ATP8A1: variants seen among roughly 807,000 people sequenced by gnomAD.
ATP8A1 encodes the protein ATPase phospholipid transporting 8A1.
A neutral mutation model predicts 177.7 loss-of-function variants in ATP8A1; 90 were observed. The ratio of observed to expected loss-of-function variants is 0.51; its 90% CI spans 0.43 to 0.60. ATP8A1 has a LOEUF of 0.60. Among genes scored for constraint, ATP8A1 ranks in the 20% least tolerant of loss-of-function variants. The pLI, the probability that ATP8A1 is intolerant of heterozygous loss-of-function variation, is 0.00. For synonymous variants in ATP8A1, 493 were observed against 485.9 expected, an observed-to-expected ratio of 1.01 and a Z score of -0.19; for missense variants, 1,072 against 1,392.8, an observed-to-expected ratio of 0.77 and a Z score of 3.67.
In ATP8A1 at chr4:42,517,319, A is replaced by C. The variant is rs1244051301; in HGVS notation, c.1947+4841T>G. Reference sequence around the variant, plus strand: ...AAAAAAAAAAAAAAAACAAATTCTGATTTAAAAAATATAGGCTGACACTAT... The same window carrying C: ...AAAAAAAAAAAAAAAACAAATTCTGCTTTAAAAAATATAGGCTGACACTAT... On this transcript the variant is annotated intron_variant, in intron 22 of 36. Coordinates refer to ENST00000381668, the MANE Select transcript of ATP8A1 (RefSeq NM_006095.2). Among the ~76,000 whole-genome samples the C allele has an allele frequency of 6.0e-4, 91 of 151,168 alleles. 2 individuals carry two copies. The highest frequency in any genetic ancestry group is 6.0e-3 in the Admixed American group (91 of 15,198).
chr4:42,552,687 T>C, intron 16 of ATP8A1, 77 bp from the exon 17 acceptor site: 1 of 1,065,190 alleles, frequency 9.4e-7, no homozygotes, highest in South Asian at 1.3e-5. Context: ...ACTTCATGTC[T>C]ATTAAGAACA....
chr4:42,625,574 G>T (rs773048933), intron 3 of ATP8A1, 40 bp downstream of exon 3: 2 of 1,379,966 alleles, frequency 1.4e-6, no homozygotes, highest in Non-Finnish European at 2.0e-6. Flanking sequence ...ACATTTATTA[G>T]TACCTGAACA....
At chr4:42,483,187 C>T (rs933782586) in intron 25 of ATP8A1, among the ~76,000 whole-genome samples, 2 of 151,976 alleles carry the variant, frequency 1.3e-5, no homozygotes, top group Non-Finnish European at 2.9e-5. Flanking sequence ...TGGTCTGTGC[C>T]AATAGTTTAA....
At position 42,450,488 on chromosome 4, in the gene ATP8A1, T is replaced by C. The variant is rs1425830810; in HGVS notation, c.2896+1493A>G. Among the ~76,000 whole-genome samples the C allele has an allele frequency of 1.1e-4, 17 of 152,356 alleles. No homozygotes were observed. In the South Asian group the frequency reaches 1.2e-3, roughly 11 times the overall value. ...TAACTTTTATGGTATGTGAATTATA[T>C]GTCAAAGCCAAACAAGCAAGCAACA... On this transcript the variant is annotated intron_variant, in intron 30 of 36. Coordinates refer to ENST00000381668, the MANE Select transcript of ATP8A1 (RefSeq NM_006095.2).
At chr4:42,619,628 A>T (rs1030523263) in intron 4 of ATP8A1, among the ~76,000 whole-genome samples, 2 of 147,928 alleles carry the variant, frequency 1.4e-5, no homozygotes, top group East Asian at 1.9e-4. Flanking sequence ...ATATATATAT[A>T]TTTTAAAATT....
chr4:42,465,541 A>G (rs969369001), intron 25 of ATP8A1, among the ~76,000 whole-genome samples: 7 of 152,242 alleles, frequency 4.6e-5, no homozygotes, highest in Non-Finnish European at 7.3e-5. Flanking sequence ...CTCAGACACC[A>G]TGGAAAATGC....
chr4:42,477,160 C>G (rs934019047), intron 25 of ATP8A1, among the ~76,000 whole-genome samples: 5 of 152,056 alleles, frequency 3.3e-5, no homozygotes, highest in Non-Finnish European at 7.3e-5. Context: ...ACAGGGAGCA[C>G]TCAAAAAACA....
intron 25 of ATP8A1, chr4:42,472,458 G>T: frequency 3.2e-6 from 1 of 309,206 alleles, no homozygotes; most frequent in Non-Finnish European, 6.3e-6. Flanking sequence ...TTACAAGAAA[G>T]AGAAATTTGG....
At chr4:42,607,129 T>C (rs1018029025) in intron 5 of ATP8A1, among the ~76,000 whole-genome samples, 7 of 152,232 alleles carry the variant, frequency 4.6e-5, no homozygotes, top group Non-Finnish European at 8.8e-5. Context: ...ACTTGCTGCA[T>C]GGGCCTGCTG....
chr4:42,650,092 A>G (rs1168279504), intron 1 of ATP8A1, among the ~76,000 whole-genome samples: 2 of 152,034 alleles, frequency 1.3e-5, no homozygotes, highest in South Asian at 4.1e-4. Context: ...CGTTAACTTC[A>G]AAAGTGTCCT....
chr4:42,459,552 T>A, intron 27 of ATP8A1: 1 of 329,384 alleles, frequency 3.0e-6, no homozygotes, highest in Non-Finnish European at 6.0e-6. Flanking sequence ...GAAGAACATA[T>A]AAATAGAAAA....
intron 24 of ATP8A1, among the ~76,000 whole-genome samples, chr4:42,496,817 T>C (rs1368703389): frequency 6.6e-6 from 1 of 151,704 alleles, no homozygotes; most frequent in Admixed American, 6.6e-5. Context: ...CCCCCACACA[T>C]ATATACGTAC....
chr4:42,499,435 G>A (rs1380172485), intron 24 of ATP8A1, among the ~76,000 whole-genome samples: 1 of 152,136 alleles, frequency 6.6e-6, no homozygotes, highest in South Asian at 2.1e-4. Flanking sequence ...TCACATAAAA[G>A]AGATGCCAGA....
intron 24 of ATP8A1, 60 bp from the exon 25 acceptor site, chr4:42,485,728 T>G: frequency 1.4e-6 from 2 of 1,422,642 alleles, no homozygotes; most frequent in Non-Finnish European, 9.5e-7. Flanking sequence ...TCTACTAGGA[T>G]GCCTTAAGGA....
At position 42,497,127 on chromosome 4, in the gene ATP8A1, A is replaced by G. The variant is rs147267520; in HGVS notation, c.2151+6323T>C. Among the ~76,000 whole-genome samples, 274 of 152,366 alleles carry G rather than the reference A, an allele frequency of 1.8e-3. 1 individual carries two copies. Among genetic ancestry groups the G allele is most frequent in the South Asian group, 0.017 (80 of 4,826 alleles). Reference sequence around the variant, plus strand: ...AGTTACTGCTGCCACTGGAGAAGGTACGGTTATTTAAAACCAAAATCAAAC... The same window carrying G: ...AGTTACTGCTGCCACTGGAGAAGGTGCGGTTATTTAAAACCAAAATCAAAC... On this transcript the variant is annotated intron_variant, in intron 24 of 36. Coordinates refer to ENST00000381668, the MANE Select transcript of ATP8A1 (RefSeq NM_006095.2).
chr4:42,431,027 T>C (rs1291005743), intron 33 of ATP8A1, among the ~76,000 whole-genome samples: 1 of 152,184 alleles, frequency 6.6e-6, no homozygotes, highest in Non-Finnish European at 1.5e-5. Flanking sequence ...GACTTATGTT[T>C]GTATGTTTTT....
intron 1 of ATP8A1, among the ~76,000 whole-genome samples, chr4:42,628,625 C>T (rs1738374938): frequency 6.6e-6 from 1 of 151,516 alleles, no homozygotes; most frequent in Admixed American, 6.6e-5. Context: ...AGCAGCTTTG[C>T]TCACAGTGTT....
intron 22 of ATP8A1, among the ~76,000 whole-genome samples, chr4:42,520,768 T>C (rs1392989235): frequency 6.6e-6 from 1 of 152,190 alleles, no homozygotes; most frequent in Non-Finnish European, 1.5e-5. Flanking sequence ...TATATCTACA[T>C]ATCTATCTCT....
intron 30 of ATP8A1, 146 bp downstream of exon 30, chr4:42,451,835 G>A: frequency 2.0e-6 from 1 of 506,422 alleles, no homozygotes. Context: ...TCTTCAAAGT[G>A]TGTACAATTT....
Sources: allele counts gnomAD v4.1 joint callset (sites outside exome capture counted in the v4.1 genomes callset), GRCh38; gene constraint gnomAD v4.1.1; transcripts MANE v1.5; gene names NCBI Gene and HGNC (gene_info 2026-07-23, HGNC 2026-07-21).